MICU3: variants seen among roughly 807,000 people sequenced by gnomAD.
MICU3 encodes calcium uptake protein 3, mitochondrial.
MICU3 carries 62 observed loss-of-function variants against 66.5 expected under a neutral mutation model. The observed-to-expected ratio is 0.93, with a 90% CI of 0.76 to 1.15. MICU3 has a LOEUF of 1.15. MICU3 is among the 50% of genes most tolerant of loss of function. MICU3 has a pLI of 0.00. For missense variants in MICU3, 779 were observed against 664.4 expected (o/e 1.17, Z -1.90); for synonymous variants, 308 against 240.7 (o/e 1.28, Z -2.59).
chr8:17,027,803 C>G (rs1043922756), intron 1 of MICU3, 143 bp downstream of exon 1: 4 of 1,073,754 alleles, frequency 3.7e-6, no homozygotes, highest in Non-Finnish European at 4.7e-6. Context: ...ACACCTAGGC[C>G]GGACAGCCTA....
At position 17,119,556 on chromosome 8, in the gene MICU3, G is replaced by GATAGATAGATAGATAGATAA. The variant is rs1554541277; in HGVS notation, c.*1-713_*1-712insAATAGATAGATAGATAGATA. The stretch of plus-strand genomic sequence containing the variant: ...GCATAGATAGATAGATAGATAGATA[G>GATAGATAGATAGATAGATAA]ATAGATAGATAGATAGATAGAGGTG... On this transcript the variant is annotated intron_variant, in intron 14 of 14. Transcript: ENST00000318063. Among the ~76,000 whole-genome samples the GATAGATAGATAGATAGATAA allele has an allele frequency of 8.1e-3, 1,219 of 151,076 alleles. 11 individuals carry two copies. The highest frequency in any genetic ancestry group is 0.027 in the African/African-American group (1,123 of 41,034).
At chr8:17,077,893 A>C in intron 4 of MICU3, 32 bp downstream of exon 4, 4 of 1,369,652 alleles carry the variant, frequency 2.9e-6, no homozygotes, top group Non-Finnish European at 4.1e-6. Flanking sequence ...TTCTTTTTTT[A>C]AACTATATTA....
intron 7 of MICU3, among the ~76,000 whole-genome samples, chr8:17,087,489 T>C (rs939331578): frequency 6.6e-6 from 1 of 152,046 alleles, no homozygotes; most frequent in Non-Finnish European, 1.5e-5. Context: ...CTGGGATATA[T>C]AATATTTTCA....
At chr8:17,136,715 G>A in the MICU3 span, among the ~76,000 whole-genome samples, 3 of 152,060 alleles carry the variant, frequency 2.0e-5, no homozygotes, top group African/African-American at 4.8e-5. Context: ...GAGTTGGGCA[G>A]GGCATACGTG....
At chr8:17,071,904 A>G (rs765190848) in intron 3 of MICU3, among the ~76,000 whole-genome samples, 62 of 152,186 alleles carry the variant, frequency 4.1e-4, no homozygotes, top group Admixed American at 2.0e-4. Flanking sequence ...TAAAAATACA[A>G]GTAAATGGAG....
At chr8:17,034,408 G>C (rs1812619397) in intron 1 of MICU3, among the ~76,000 whole-genome samples, 1 of 152,200 alleles carries the variant, frequency 6.6e-6, no homozygotes, top group Admixed American at 6.5e-5. Flanking sequence ...CATGGATCAA[G>C]GAGTAATTTT....
chr8:17,045,242 C>T (rs1383967956), intron 1 of MICU3, among the ~76,000 whole-genome samples: 3 of 152,076 alleles, frequency 2.0e-5, no homozygotes, highest in Non-Finnish European at 4.4e-5. Flanking sequence ...CTACCATAGT[C>T]CTTGATAAAC....
chr8:17,106,546 C>CT lies in MICU3; in HGVS notation c.1257+978dup, dbSNP rs36068857. On this transcript the variant is annotated intron_variant, in intron 11 of 14. Coordinates refer to ENST00000318063, the MANE Select transcript of MICU3 (RefSeq NM_181723.3). ...GGTATTACTTAGGGACTTGAATCTG[C>CT]TTTTTTTTTTTTTTTTGCTTTTATT... Among the ~76,000 whole-genome samples, 602 of 136,788 alleles carry CT rather than the reference C, an allele frequency of 4.4e-3. 10 individuals carry two copies. Among genetic ancestry groups the CT allele is most frequent in the South Asian group, 0.023 (103 of 4,396 alleles). 89.7% of individuals were successfully genotyped at this position (136,788 alleles called of 152,430 possible).
intron 1 of MICU3, among the ~76,000 whole-genome samples, chr8:17,049,964 A>G (rs1223326010): frequency 6.6e-6 from 1 of 152,022 alleles, no homozygotes; most frequent in African/African-American, 2.4e-5. Flanking sequence ...TTTCTATGGT[A>G]GCACCTCTAG....
At chr8:17,081,765 T>G in intron 5 of MICU3, 25 bp downstream of exon 5, 1 of 897,756 alleles carries the variant, frequency 1.1e-6, no homozygotes, top group South Asian at 1.5e-5. Context: ...TGCTTTTATT[T>G]CTGGATGCAG....
intron 8 of MICU3, among the ~76,000 whole-genome samples, chr8:17,094,970 A>G (rs1264387331): frequency 5.9e-5 from 9 of 152,018 alleles, no homozygotes; most frequent in Non-Finnish European, 1.2e-4. Context: ...CTTCCGGTTC[A>G]TTAATTCTAC....
intron 8 of MICU3, among the ~76,000 whole-genome samples, chr8:17,090,864 C>G (rs1799973069): frequency 6.6e-6 from 1 of 151,988 alleles, no homozygotes; most frequent in South Asian, 2.1e-4. Context: ...AATTTTATAT[C>G]TTTTAGCAGT....
chr8:17,061,418 G>C (rs1817804646), intron 1 of MICU3, among the ~76,000 whole-genome samples: 1 of 152,004 alleles, frequency 6.6e-6, no homozygotes, highest in African/African-American at 2.4e-5. Context: ...GGAGGTAACA[G>C]GGTTTGGTAA....
intron 1 of MICU3, among the ~76,000 whole-genome samples, chr8:17,052,506 A>ACC (rs1417895019): frequency 6.6e-6 from 1 of 151,980 alleles, no homozygotes; most frequent in Non-Finnish European, 1.5e-5. Context: ...CATTTCCCCA[A>ACC]CCCCCACTCA....
intron 13 of MICU3, among the ~76,000 whole-genome samples, chr8:17,118,216 T>C (rs1189521072): frequency 2.0e-5 from 3 of 152,206 alleles, no homozygotes. Context: ...TGTTTTTATT[T>C]TTATTTATTA....
At chr8:17,069,624 C>A in intron 2 of MICU3, 64 bp from the exon 3 acceptor site, 2 of 1,048,898 alleles carry the variant, frequency 1.9e-6, no homozygotes, top group Non-Finnish European at 1.4e-6. Flanking sequence ...AGATGGTTAG[C>A]AAATATGGAT....
chr8:17,087,075 G>T, intron 7 of MICU3, 40 bp downstream of exon 7: 1 of 1,247,222 alleles, frequency 8.0e-7, no homozygotes, highest in African/African-American at 1.5e-5. Context: ...GCTTTTGTAG[G>T]CAACAATTAT....
chr8:17,044,478 AT>A (rs531193475), intron 1 of MICU3, among the ~76,000 whole-genome samples: 22 of 150,780 alleles, frequency 1.5e-4, no homozygotes, highest in East Asian at 3.9e-4. Flanking sequence ...GGAATTAAAA[AT>A]TTTTTTTTTG....
the MICU3 span, among the ~76,000 whole-genome samples, chr8:17,136,572 C>A: frequency 5.3e-5 from 8 of 152,228 alleles, no homozygotes; most frequent in Admixed American, 4.6e-4. Flanking sequence ...GGCTCTGCTT[C>A]CCATTCCATC....
Sources: allele counts gnomAD v4.1 joint callset (sites outside exome capture counted in the v4.1 genomes callset), GRCh38; gene constraint gnomAD v4.1.1; transcripts MANE v1.5; gene names NCBI Gene and HGNC (gene_info 2026-07-23, HGNC 2026-07-21).